The following ABCC4 variants were observed in gnomAD, a reference collection of about 807,000 sequenced individuals.
The protein encoded by ABCC4 is ATP binding cassette subfamily C member 4 (PEL blood group), also known as ATP-binding cassette sub-family C member 4.
A neutral mutation model predicts 168.5 loss-of-function variants in ABCC4; 102 were observed. That is an observed-to-expected ratio of 0.61 (90% confidence interval 0.52 to 0.71). ABCC4 has a LOEUF of 0.71. ABCC4 is among the 30% of genes least tolerant of loss of function. The pLI is 0.00. For synonymous variants in ABCC4, 617 were observed against 590.7 expected (o/e 1.04, Z -0.65); for missense variants, 1,402 against 1,605.8 (o/e 0.87, Z 2.17).
chr13:95,196,692 GGAAGGAAGGAAGGAAGGAAGGAAGGA>G, intron 8 of ABCC4, among the ~76,000 whole-genome samples: 1 of 73,614 alleles, frequency 1.4e-5, no homozygotes, highest in East Asian at 3.0e-4. Context: ...AAGGAAGGAA[GGAAGGAAGGAAGGAAGGAAGGAAGGA>G]AGGAAGGAAG....
In ABCC4 at chr13:95,170,604, C is replaced by G. The variant is rs1185311746; in HGVS notation, c.1752G>C (p.Glu584Asp). 6.2e-7 allele frequency: 1 copy of G among 1,611,554 alleles called. No individual in the cohort carries two copies. Among genetic ancestry groups the G allele is most frequent in the African/African-American group, 1.3e-5 (1 of 74,860 alleles). The change falls in exon 14 of 31, where the codon GAG (glutamate) becomes GAC (aspartate). Residue 584 changes from glutamate to aspartate, a missense_variant. Around this residue, in one of 3 missense-constraint regions of ABCC4, gnomAD observed 1,007 missense variants for 1,127.3 expected, o/e 0.89. Coordinates refer to ENST00000645237, the MANE Select transcript of ABCC4 (RefSeq NM_005845.5). ...FELCICQILHEKITILVTHQL... is the reference protein window; with the variant it reads ...FELCICQILHDKITILVTHQL... ...GATGAGTCACTAAAATTGTGATCTT[C>G]TCATGCAAAATTTGACAAATACACC...
chr13:95,122,454 C>T (rs754851352), intron 19 of ABCC4, among the ~76,000 whole-genome samples: 1 of 152,198 alleles, frequency 6.6e-6, no homozygotes, highest in Non-Finnish European at 1.5e-5. Context: ...TAATTACCAG[C>T]ATGTCTTTAC....
intron 20 of ABCC4, among the ~76,000 whole-genome samples, chr13:95,084,689 GGA>G (rs1257202069): frequency 1.3e-5 from 2 of 152,070 alleles, no homozygotes; most frequent in East Asian, 3.9e-4. Flanking sequence ...TCCACGATTA[GGA>G]GAGTATTTCA....
intron 20 of ABCC4, among the ~76,000 whole-genome samples, chr13:95,088,670 T>G (rs1005559004): frequency 3.9e-5 from 6 of 152,018 alleles, no homozygotes; most frequent in Non-Finnish European, 5.9e-5. Context: ...TAAAAGAAAA[T>G]GAAAACCTAA....
intron 3 of ABCC4, among the ~76,000 whole-genome samples, chr13:95,243,624 C>T (rs369189765): frequency 6.6e-5 from 10 of 152,268 alleles, no homozygotes; most frequent in Non-Finnish European, 1.3e-4. Flanking sequence ...CAGTGGCTCA[C>T]ACCTGTAATC....
chr13:95,234,132 A>G (rs1367707292), intron 4 of ABCC4, among the ~76,000 whole-genome samples: 2 of 152,248 alleles, frequency 1.3e-5, no homozygotes, highest in Non-Finnish European at 2.9e-5. Flanking sequence ...ATTTAATTTC[A>G]TAGATCCAAT....
At chr13:95,292,449 G>A (rs1233610082) in intron 1 of ABCC4, among the ~76,000 whole-genome samples, 7 of 152,104 alleles carry the variant, frequency 4.6e-5, no homozygotes, top group Admixed American at 4.6e-4. Flanking sequence ...AACTTGCTCT[G>A]CGTGTTGACA....
At chr13:95,182,974 G>A (rs1054155503) in intron 11 of ABCC4, among the ~76,000 whole-genome samples, 19 of 150,876 alleles carry the variant, frequency 1.3e-4, no homozygotes, top group Admixed American at 4.0e-4. Flanking sequence ...TTTTTAGCTC[G>A]ATGAACTTAT....
intron 4 of ABCC4, among the ~76,000 whole-genome samples, chr13:95,231,967 GGA>G (rs1032853308): frequency 1.5e-4 from 23 of 152,222 alleles, no homozygotes; most frequent in African/African-American, 5.1e-4. Context: ...TTTGCCAAGT[GGA>G]GTGTTAGTGA....
At chr13:95,139,767 G>A (rs1161587967) in intron 19 of ABCC4, among the ~76,000 whole-genome samples, 1 of 152,036 alleles carries the variant, frequency 6.6e-6, no homozygotes, top group Non-Finnish European at 1.5e-5. Context: ...ATTCATACCT[G>A]TATATCTCCC....
At chr13:95,092,004 G>A (rs1302299008) in intron 20 of ABCC4, among the ~76,000 whole-genome samples, 4 of 152,128 alleles carry the variant, frequency 2.6e-5, no homozygotes, top group Non-Finnish European at 5.9e-5. Flanking sequence ...CACAGCAGGG[G>A]CAGCTATTCT....
intron 8 of ABCC4, among the ~76,000 whole-genome samples, chr13:95,202,683 C>G (rs2038664873): frequency 7.2e-6 from 1 of 138,822 alleles, no homozygotes; most frequent in African/African-American, 2.7e-5. Context: ...GGAGTCTCCT[C>G]TGTCACCCAG....
chr13:95,276,414 C>CAAA (rs60996116), intron 1 of ABCC4, among the ~76,000 whole-genome samples: 1 of 87,656 alleles, frequency 1.1e-5, no homozygotes, highest in Non-Finnish European at 2.2e-5. Flanking sequence ...GACCCATCTC[C>CAAA]AAAAAAAAAA....
In ABCC4 at chr13:95,244,625, G is replaced by GAAAGAAAGAAAGAA. The variant is rs2040044229; in HGVS notation, c.306+2336_306+2349dup. 6.8e-5 allele frequency among the ~76,000 whole-genome samples: 5 copies of GAAAGAAAGAAAGAA among 73,148 alleles called. 1 individual carries two copies. Among genetic ancestry groups the GAAAGAAAGAAAGAA allele is most frequent in the African/African-American group, 2.7e-4 (4 of 15,022 alleles). 48.0% of individuals were successfully genotyped at this position (73,148 alleles called of 152,430 possible). A position where few individuals can be genotyped will look rare whatever the true frequency, so the allele number is the denominator to read the frequency against. ...AGAAAGAAAGAAAGAAAGAAAGAAAGAAAGAAAGAAAGAAAGAAAGAAAGA... is the reference window on the plus strand; with the variant it reads ...AGAAAGAAAGAAAGAAAGAAAGAAAGAAAGAAAGAAAGAAAAAGAAAGAAAGAAAGAAAGAAAGA... On this transcript the variant is annotated intron_variant, in intron 3 of 30. Coordinates refer to ENST00000645237, the MANE Select transcript of ABCC4 (RefSeq NM_005845.5).
chr13:95,180,855 A>T (rs556419154), intron 11 of ABCC4, among the ~76,000 whole-genome samples: 2 of 152,234 alleles, frequency 1.3e-5, no homozygotes, highest in Non-Finnish European at 2.9e-5. Context: ...GGAATAGGGA[A>T]GGAGCTCTCT....
At chr13:95,293,210 T>C (rs1043505012) in intron 1 of ABCC4, among the ~76,000 whole-genome samples, 9 of 151,694 alleles carry the variant, frequency 5.9e-5, no homozygotes, top group Admixed American at 1.3e-4. Context: ...ACAAAAAAAT[T>C]AGCCAGGCCT....
At chr13:95,210,130 T>C (rs915586342) in intron 5 of ABCC4, among the ~76,000 whole-genome samples, 4 of 152,230 alleles carry the variant, frequency 2.6e-5, no homozygotes, top group Non-Finnish European at 5.9e-5. Context: ...AAAATGAATA[T>C]GGCCAGCAGC....
At chr13:95,279,627 G>A (rs1566595036) in intron 1 of ABCC4, among the ~76,000 whole-genome samples, 1 of 152,146 alleles carries the variant, frequency 6.6e-6, no homozygotes, top group East Asian at 1.9e-4. Context: ...GGAAAGGGGC[G>A]AGGCAAGGCC....
chr13:95,040,173 G>T (rs2032292122), intron 29 of ABCC4, among the ~76,000 whole-genome samples: 1 of 152,178 alleles, frequency 6.6e-6, no homozygotes, highest in South Asian at 2.1e-4. Flanking sequence ...GTAGGTCCCA[G>T]TGACCCACTC....
Sources: gnomAD v4.1 joint callset for allele counts (sites outside exome capture counted in the v4.1 genomes callset) on GRCh38, gnomAD v4.1.1 for gene constraint, gnomAD v4.1.1 regional missense constraint, MANE v1.5 for transcripts, NCBI Gene and HGNC (gene_info 2026-07-23, HGNC 2026-07-21) for gene names.